Variants in LRRC4C observed in about 807,000 individuals in gnomAD.
LRRC4C encodes leucine-rich repeat-containing protein 4C.
A neutral mutation model predicts 33.6 loss-of-function variants in LRRC4C; 5 were observed. That is an observed-to-expected ratio of 0.15 (90% CI 0.08 to 0.31). The LOEUF (loss-of-function observed/expected upper bound fraction) is 0.31. LRRC4C is among the 10% of genes least tolerant of loss of function. LRRC4C has a pLI of 1.00. For missense variants in LRRC4C, 560 were observed against 796.7 expected (o/e 0.70, Z 3.58); for synonymous variants, 329 against 302.0 (o/e 1.09, Z -0.93).
intron 1 of LRRC4C, among the ~76,000 whole-genome samples, chr11:41,265,863 G>A (rs1043335617): frequency 1.3e-5 from 1 of 75,314 alleles, no homozygotes; most frequent in Non-Finnish European, 2.5e-5. Context: ...AATGCCCATG[G>A]GTCTTTTCTT....
At chr11:41,329,137 G>C (rs913547073) in intron 1 of LRRC4C, among the ~76,000 whole-genome samples, 5 of 152,186 alleles carry the variant, frequency 3.3e-5, no homozygotes, top group Non-Finnish European at 5.9e-5. Flanking sequence ...TTTTCTTCAA[G>C]ACTCATTGGT....
At chr11:40,833,804 G>T (rs971054660) in intron 2 of LRRC4C, among the ~76,000 whole-genome samples, 27 of 152,098 alleles carry the variant, frequency 1.8e-4, no homozygotes, top group African/African-American at 6.5e-4. Context: ...TTGTGGATAA[G>T]TGTTGTGCAT....
At chr11:41,192,345 T>TGTGC (rs1555106155) in intron 1 of LRRC4C, among the ~76,000 whole-genome samples, 26 of 151,820 alleles carry the variant, frequency 1.7e-4, no homozygotes, top group African/African-American at 6.3e-4. Context: ...TGTGTGTGTG[T>TGTGC]GTGTGTGTTC....
At chr11:40,916,408 G>A (rs1956959973) in intron 2 of LRRC4C, among the ~76,000 whole-genome samples, 1 of 152,124 alleles carries the variant, frequency 6.6e-6, no homozygotes, top group African/African-American at 2.4e-5. Context: ...GGACATGGAT[G>A]AAGCTGGAAC....
chr11:41,322,744 A>G lies in LRRC4C; in HGVS notation c.-496+136687T>C, dbSNP rs1026232661. 7.2e-5 allele frequency among the ~76,000 whole-genome samples: 11 copies of G among 152,294 alleles called. No homozygotes were observed. In the East Asian group the frequency reaches 1.7e-3, roughly 24 times the overall value. On this transcript the variant is annotated intron_variant, in intron 1 of 6. Coordinates refer to ENST00000528697, the MANE Select transcript of LRRC4C (RefSeq NM_001258419.2). Reference sequence around the variant, plus strand: ...TTTTTTGAGTTACCTATTCAGCGTAAGTGGGAAGAGGGCTCTGATCATCAT... The same window carrying G: ...TTTTTTGAGTTACCTATTCAGCGTAGGTGGGAAGAGGGCTCTGATCATCAT...
chr11:40,649,438 C>T (rs377399939), intron 2 of LRRC4C, among the ~76,000 whole-genome samples: 58 of 152,308 alleles, frequency 3.8e-4, no homozygotes, highest in African/African-American at 1.3e-3. Context: ...AAATATGGCT[C>T]TATTCTGCCC....
At chr11:40,724,769 A>AC (rs552971550) in intron 2 of LRRC4C, among the ~76,000 whole-genome samples, 62 of 152,258 alleles carry the variant, frequency 4.1e-4, no homozygotes, top group Admixed American at 9.8e-4. Context: ...TGAAATTGAG[A>AC]CCCCCCAAAA....
intron 1 of LRRC4C, among the ~76,000 whole-genome samples, chr11:41,458,227 C>T (rs12794453): frequency 0.11 from 15,976 of 152,094 alleles, 1,149 homozygotes; most frequent in Non-Finnish European, 0.15. Context: ...TGAACGTGTC[C>T]ACAGTAACAG....
At chr11:41,263,771 G>A (rs941380918) in intron 1 of LRRC4C, among the ~76,000 whole-genome samples, 3 of 152,022 alleles carry the variant, frequency 2.0e-5, no homozygotes, top group African/African-American at 4.8e-5. Flanking sequence ...CAAGCACAGT[G>A]TCTACTCATA....
chr11:40,589,573 C>T (rs1414201036), intron 3 of LRRC4C, among the ~76,000 whole-genome samples: 114 of 151,126 alleles, frequency 7.5e-4, no homozygotes, highest in African/African-American at 2.7e-3. Context: ...TTCCTAGTCT[C>T]GATGGTCTTT....
chr11:40,823,972 G>A (rs1035058334), intron 2 of LRRC4C, among the ~76,000 whole-genome samples: 1 of 151,752 alleles, frequency 6.6e-6, no homozygotes, highest in Non-Finnish European at 1.5e-5. Flanking sequence ...AGAAACAAAT[G>A]GATTACTGAT....
chr11:40,839,381 G>C (rs1952815820), intron 2 of LRRC4C, among the ~76,000 whole-genome samples: 1 of 152,072 alleles, frequency 6.6e-6, no homozygotes, highest in African/African-American at 2.4e-5. Context: ...AAGTAGCTGG[G>C]ATTACAGACA....
At chr11:41,114,890 T>C (rs897907490) in intron 1 of LRRC4C, among the ~76,000 whole-genome samples, 13 of 152,076 alleles carry the variant, frequency 8.5e-5, no homozygotes, top group Non-Finnish European at 1.5e-4. Context: ...TTTTCAAAAG[T>C]TCAAAAGTAA....
At chr11:40,772,713 A>C (rs1381729928) in intron 2 of LRRC4C, among the ~76,000 whole-genome samples, 1 of 152,162 alleles carries the variant, frequency 6.6e-6, no homozygotes, top group East Asian at 1.9e-4. Context: ...AATACTGACA[A>C]AGATGTAGAG....
chr11:40,763,173 G>A (rs1478139676), intron 2 of LRRC4C, among the ~76,000 whole-genome samples: 5 of 150,826 alleles, frequency 3.3e-5, no homozygotes, highest in Non-Finnish European at 5.9e-5. Flanking sequence ...TGCATATATT[G>A]TGGGAACTTA....
intron 1 of LRRC4C, among the ~76,000 whole-genome samples, chr11:41,367,617 T>C (rs1239985709): frequency 6.6e-6 from 1 of 152,190 alleles, no homozygotes; most frequent in Non-Finnish European, 1.5e-5. Context: ...GTCAAATGTA[T>C]ATGTATGTGT....
intron 1 of LRRC4C, among the ~76,000 whole-genome samples, chr11:41,105,262 C>G (rs1565387527): frequency 6.6e-6 from 1 of 151,962 alleles, no homozygotes; most frequent in Non-Finnish European, 1.5e-5. Context: ...TCCCATAAAT[C>G]TTTCCTTGAA....
chr11:40,345,295 A>T (rs1947073354), intron 3 of LRRC4C, among the ~76,000 whole-genome samples: 1 of 152,192 alleles, frequency 6.6e-6, no homozygotes, highest in East Asian at 1.9e-4. Context: ...CTGTCTTCAA[A>T]CTACACTACA....
intron 1 of LRRC4C, among the ~76,000 whole-genome samples, chr11:41,069,655 C>T (rs1414919983): frequency 2.6e-5 from 4 of 151,990 alleles, no homozygotes; most frequent in African/African-American, 9.7e-5. Flanking sequence ...CATGAATGAA[C>T]CCCCATTCAC....
Sources: allele counts gnomAD v4.1 joint callset (sites outside exome capture counted in the v4.1 genomes callset), GRCh38; gene constraint gnomAD v4.1.1; transcripts MANE v1.5; gene names NCBI Gene and HGNC (gene_info 2026-07-23, HGNC 2026-07-21).